ZFYVE26: variants seen among roughly 807,000 people sequenced by gnomAD.
ZFYVE26 encodes zinc finger FYVE-type containing 26.
A neutral mutation model predicts 276.5 loss-of-function variants in ZFYVE26; 181 were observed. The observed-to-expected ratio is 0.65, with a 90% CI of 0.58 to 0.74. ZFYVE26 has a LOEUF of 0.74. Among genes scored for constraint, ZFYVE26 ranks in the 30% least tolerant of loss-of-function variants. The pLI, the probability that ZFYVE26 is intolerant of heterozygous loss-of-function variation, is 0.00. For synonymous variants in ZFYVE26, 1,129 were observed against 1,203.1 expected, an observed-to-expected ratio of 0.94 and a Z score of 1.27; for missense variants, 2,821 against 3,097.9, an observed-to-expected ratio of 0.91 and a Z score of 2.12.
intron 32 of ZFYVE26, 22 bp downstream of exon 32, chr14:67,766,205 A>G (rs774507551): frequency 5.2e-5 from 84 of 1,608,640 alleles, no homozygotes; most frequent in Non-Finnish European, 7.0e-5. Flanking sequence ...GTGTAAAAGA[A>G]TAGAGACCCA....
chr14:67,784,920 TAA>T (rs1341826905), intron 19 of ZFYVE26, 137 bp downstream of exon 19: 1 of 897,942 alleles, frequency 1.1e-6, no homozygotes, highest in Non-Finnish European at 1.8e-6. Context: ...CAGAGATGAA[TAA>T]GAGAGGACAA....
chr14:67,752,709 C>T (rs1042372349), intron 39 of ZFYVE26, among the ~76,000 whole-genome samples, 183 bp from the exon 40 acceptor site: 1 of 152,194 alleles, frequency 6.6e-6, no homozygotes, highest in Non-Finnish European at 1.5e-5. Context: ...GTTAGGTAGA[C>T]CTTTAGGAAG....
intron 13 of ZFYVE26, chr14:67,729,941 C>T (rs1885166974): frequency 7.5e-6 from 3 of 402,332 alleles, no homozygotes; most frequent in Admixed American, 5.9e-5. Context: ...ATGACAGAAT[C>T]CAGCCCTGTC....
At chr14:67,761,696 G>T (rs566650761) in intron 34 of ZFYVE26, 112 bp from the exon 35 acceptor site, 23 of 869,674 alleles carry the variant, frequency 2.6e-5, no homozygotes. Flanking sequence ...CATGGCACAT[G>T]TATACATATG....
chr14:67,778,108 A>G lies in ZFYVE26; in HGVS notation c.4797+18T>C. The G allele has an allele frequency of 1.2e-6, 2 of 1,614,140 alleles. No homozygotes were observed. The highest frequency in any genetic ancestry group is 1.7e-6 in the Non-Finnish European group (2 of 1,180,008). ...TTGTCCCACCCCAGAAGAAAAATGGAAAGAACTGGGGGCTTACTTGCAGAG... is the reference window on the plus strand; with the variant it reads ...TTGTCCCACCCCAGAAGAAAAATGGGAAGAACTGGGGGCTTACTTGCAGAG... On this transcript the variant is annotated intron_variant, in intron 24 of 41. Transcript: ENST00000347230.
At chr14:67,768,575 A>G in intron 29 of ZFYVE26, 27 bp from the exon 30 acceptor site, 1 of 1,612,974 alleles carries the variant, frequency 6.2e-7, no homozygotes, top group Non-Finnish European at 8.5e-7. Flanking sequence ...AAAAATTATT[A>G]AATAAATGCC....
Position 67,802,090 on chromosome 14 carries a change from A to T in ZFYVE26, c.1628T>A (p.Leu543His). The stretch of plus-strand genomic sequence containing the variant: ...GGGAAGTGCTGTACCTGGGGAGGAG[A>T]GAGAGTCATTCGCTGGCTCTGTAGC... The part of the protein sequence containing the change: ...ASATEPANDS[L>H]SSPGAANLFS... Residue 543 changes from leucine (L) to histidine (H), a missense_variant, in exon 10 of 42, where the codon CTC becomes CAC. Transcript: ENST00000347230. 6.2e-7 allele frequency: 1 copy of T among 1,612,916 alleles called. No individual in the cohort carries two copies.
chr14:67,804,674 T>C (rs916376321), intron 8 of ZFYVE26, among the ~76,000 whole-genome samples: 1 of 152,186 alleles, frequency 6.6e-6, no homozygotes, highest in Non-Finnish European at 1.5e-5. Context: ...AAGAACAAGA[T>C]AGAAACCTAA....
intron 2 of ZFYVE26, 144 bp from the exon 3 acceptor site, chr14:67,814,208 T>C (rs1055838061): frequency 1.5e-5 from 11 of 729,670 alleles, no homozygotes; most frequent in Non-Finnish European, 2.4e-5. Context: ...TTTAAATGTA[T>C]ATGACAGTTC....
At position 67,750,851 on chromosome 14, in the gene ZFYVE26, C is replaced by T; in HGVS notation, c.7416+201G>A. ...ATAAAGACTTGGGAAGGCAAAGACG[C>T]ATGCAGTCCATGTTCACCTGCTCCT... is the stretch of plus-strand genomic sequence containing the variant. On this transcript the variant is annotated intron_variant, in intron 41 of 41. Coordinates refer to ENST00000347230, the MANE Select transcript of ZFYVE26 (RefSeq NM_015346.4). 7.4e-6 allele frequency: 5 copies of T among 677,058 alleles called. No individual in the cohort carries two copies. In the South Asian group the frequency reaches 8.3e-5, roughly 11 times the overall value. The allele number at this position is 677,058 out of a possible 1,614,324, so 41.9% of individuals were successfully genotyped here.
chr14:67,784,173 C>A (rs1273995364), intron 20 of ZFYVE26, among the ~76,000 whole-genome samples, 161 bp downstream of exon 20: 2 of 152,130 alleles, frequency 1.3e-5, no homozygotes, highest in African/African-American at 4.8e-5. Flanking sequence ...AAGCAGGAAA[C>A]AAGGCACATT....
At chr14:67,809,401 A>G in intron 3 of ZFYVE26, 112 bp from the exon 4 acceptor site, 1 of 660,470 alleles carries the variant, frequency 1.5e-6, no homozygotes, top group Non-Finnish European at 2.5e-6. Context: ...CTCTAAGATG[A>G]AGCACTCTTT....
chr14:67,795,504 C>T (rs2039933256), intron 12 of ZFYVE26, among the ~76,000 whole-genome samples: 1 of 152,200 alleles, frequency 6.6e-6, no homozygotes, highest in Non-Finnish European at 1.5e-5. Context: ...TCACTTTAAA[C>T]TTTCCATGTA....
intron 3 of ZFYVE26, among the ~76,000 whole-genome samples, chr14:67,810,698 A>G (rs181565): frequency 0.69 from 105,319 of 152,030 alleles, 36,952 homozygotes; most frequent in East Asian, 0.98. Context: ...TCCCTAACAC[A>G]CAAATTGGAG....
At position 67,775,133 on chromosome 14, in the gene ZFYVE26, C is replaced by G. The variant is rs779438048; in HGVS notation, c.5222-19G>C. Reference sequence around the variant, plus strand: ...ACAGAATCTGTAGAGAGGGAAAATGCTGACAAAATATGGTTCTACCATAAG... The same window carrying G: ...ACAGAATCTGTAGAGAGGGAAAATGGTGACAAAATATGGTTCTACCATAAG... On this transcript the variant is annotated intron_variant, in intron 26 of 41. Transcript: ENST00000347230. The G allele has an allele frequency of 6.4e-7, 1 of 1,552,690 alleles. No homozygotes were observed. The highest frequency in any genetic ancestry group is 8.8e-7 in the Non-Finnish European group (1 of 1,131,626).
In ZFYVE26 at chr14:67,729,397, C is replaced by T. The variant is rs1212879054; in HGVS notation, n.3102G>A. On this transcript the variant is annotated non_coding_transcript_exon_variant, in exon 14 of 15. Transcript: ENST00000394455. ...GTACTTCAGGTGTGTGAAGGCAATG[C>T]GGTTCTCTCCACCACCTGTGTGCAT... The T allele has an allele frequency of 4.4e-6, 7 of 1,595,534 alleles. No homozygotes were observed. The East Asian group carries it at 8.9e-5, about 20-fold the overall frequency.
At chr14:67,781,289 G>C in intron 22 of ZFYVE26, 44 bp downstream of exon 22, 3 of 1,604,600 alleles carry the variant, frequency 1.9e-6, no homozygotes, top group East Asian at 4.5e-5. Context: ...GTTGATCATA[G>C]AGTGAGAAGC....
At chr14:67,752,282 A>T in intron 40 of ZFYVE26, 62 bp downstream of exon 40, 1 of 1,541,808 alleles carries the variant, frequency 6.5e-7, no homozygotes, top group Middle Eastern at 2.0e-4. Context: ...AGAACAATAA[A>T]GATGGGGATG....
intron 3 of ZFYVE26, 86 bp from the exon 4 acceptor site, chr14:67,809,375 C>A: frequency 3.9e-6 from 3 of 775,656 alleles, no homozygotes; most frequent in Non-Finnish European, 6.2e-6. Context: ...TCCAGTTAGT[C>A]TTATTTCTGC....
Sources: allele counts gnomAD v4.1 joint callset (sites outside exome capture counted in the v4.1 genomes callset), GRCh38; gene constraint gnomAD v4.1.1; transcripts MANE v1.5; gene names NCBI Gene and HGNC (gene_info 2026-07-23, HGNC 2026-07-21).